ORC5: variants seen among roughly 807,000 people sequenced by gnomAD.
ORC5 encodes the protein protein phosphatase 1, regulatory subunit 117.
Under a neutral mutation model 58.8 loss-of-function variants are expected in ORC5, and 39 were observed. The observed-to-expected ratio is 0.66, with a 90% CI of 0.51 to 0.87. The LOEUF (loss-of-function observed/expected upper bound fraction) is 0.87. ORC5 is among the 40% of genes least tolerant of loss of function. ORC5 has a pLI of 0.00. For missense variants in ORC5, 493 were observed against 506.3 expected, an observed-to-expected ratio of 0.97 and a Z score of 0.25; for synonymous variants, 218 against 177.6, an observed-to-expected ratio of 1.23 and a Z score of -1.81.
intron 2 of ORC5, 29 bp from the exon 3 acceptor site, chr7:104,200,987 TAAA>T (rs764003212): frequency 1.9e-6 from 3 of 1,571,050 alleles, no homozygotes; most frequent in South Asian, 1.1e-5. Context: ...ACACTGTAAG[TAAA>T]GAAGAAAACA....
rs1380509786 is a variant in ORC5, at chr7:104,159,453, T to C, written c.1149+1619A>G. 2.7e-5 allele frequency among the ~76,000 whole-genome samples: 4 copies of C among 148,756 alleles called. No homozygotes were observed. In the East Asian group the frequency reaches 7.9e-4, roughly 29 times the overall value. ...GTAACTAACCTGCACATTGTGCACA[T>C]GTACCCTAAAACTTAAAGTATAATA... On this transcript the variant is annotated intron_variant, in intron 12 of 13. Coordinates refer to ENST00000297431, the MANE Select transcript of ORC5 (RefSeq NM_002553.4).
At chr7:104,190,960 T>C (rs969734310) in intron 5 of ORC5, among the ~76,000 whole-genome samples, 4 of 151,764 alleles carry the variant, frequency 2.6e-5, no homozygotes, top group Non-Finnish European at 2.9e-5. Context: ...ATCTGAAAAT[T>C]TATAAACAGA....
intron 13 of ORC5, among the ~76,000 whole-genome samples, chr7:104,127,836 A>G (rs895192339): frequency 6.6e-6 from 1 of 152,226 alleles, no homozygotes; most frequent in Non-Finnish European, 1.5e-5. Flanking sequence ...TTATGAAAAC[A>G]CATTTAAAAA....
At chr7:104,141,131 G>A (rs1193037520) in intron 12 of ORC5, among the ~76,000 whole-genome samples, 1 of 152,052 alleles carries the variant, frequency 6.6e-6, no homozygotes, top group Non-Finnish European at 1.5e-5. Context: ...ATTATACTCC[G>A]GCCTGAAAAG....
rs1297765638 is a variant in ORC5, at chr7:104,183,944, T to G, written c.823A>C (p.Ser275Arg). The G allele has an allele frequency of 6.3e-7, 1 of 1,599,126 alleles. No individual in the cohort carries two copies. The highest frequency in any genetic ancestry group is 8.6e-7 in the Non-Finnish European group (1 of 1,169,048). Residue 275 changes from serine to arginine, a missense_variant and splice_region_variant, in exon 8 of 14, where the codon AGT (serine) becomes CGT (arginine). Transcript: ENST00000297431. Reference protein sequence around the residue: ...MQTVYLREISSSQWEKLQKDD... With the variant: ...MQTVYLREISRSQWEKLQKDD... The stretch of plus-strand genomic sequence containing the variant: ...TATGCATACTAAATAGAAAATTACC[T>G]TGATATTTCCCTGAGATAAACAGTC...
intron 1 of ORC5, among the ~76,000 whole-genome samples, chr7:104,206,554 C>A (rs1800089378): frequency 6.6e-6 from 1 of 152,118 alleles, no homozygotes; most frequent in East Asian, 1.9e-4. Context: ...TAATTGAAAG[C>A]AGTATAAATA....
Position 104,200,921 on chromosome 7 carries a change from G to C in ORC5, c.203C>G (p.Thr68Arg), listed in dbSNP as rs535712112. ...AATTTGTTCCAAAAGCAGCCTCAAT[G>C]TAAAGCATTCAACACAATTCACAAA... is the stretch of plus-strand genomic sequence containing the variant. Reference protein sequence around the residue: ...HVFVNCVECFTLRLLLEQILN... With the variant: ...HVFVNCVECFRLRLLLEQILN... Residue 68 changes from threonine (T) to arginine (R), a missense_variant, in exon 3 of 14, where the codon ACA becomes AGA. Thr to Arg is a moderately conservative substitution (Grantham distance 71). Coordinates refer to ENST00000297431, the MANE Select transcript of ORC5 (RefSeq NM_002553.4). The C allele has an allele frequency of 6.2e-7, 1 of 1,613,592 alleles. No individual in the cohort carries two copies. Among genetic ancestry groups the C allele is most frequent in the African/African-American group, 1.3e-5 (1 of 75,026 alleles).
At chr7:104,173,834 TA>T (rs1471171417) in intron 8 of ORC5, among the ~76,000 whole-genome samples, 12 of 141,110 alleles carry the variant, frequency 8.5e-5, no homozygotes, top group Non-Finnish European at 1.4e-4. Flanking sequence ...TACCTGGGTT[TA>T]AAATTTTTTC....
At chr7:104,153,447 T>C (rs992519682) in intron 12 of ORC5, among the ~76,000 whole-genome samples, 20 of 152,188 alleles carry the variant, frequency 1.3e-4, no homozygotes, top group African/African-American at 4.6e-4. Flanking sequence ...AGGCATTAAG[T>C]AAGGCTCCTT....
chr7:104,180,030 A>T (rs1799402631), intron 8 of ORC5, among the ~76,000 whole-genome samples: 1 of 152,166 alleles, frequency 6.6e-6, no homozygotes, highest in Non-Finnish European at 1.5e-5. Flanking sequence ...GATTCTGTAC[A>T]CTTGGCTTTT....
intron 13 of ORC5, among the ~76,000 whole-genome samples, chr7:104,130,646 T>C (rs1798499056): frequency 6.6e-6 from 1 of 152,200 alleles, no homozygotes; most frequent in Non-Finnish European, 1.5e-5. Context: ...TCACTATATA[T>C]TTCTCTTTCT....
At chr7:104,172,365 C>T (rs1439469207) in intron 8 of ORC5, among the ~76,000 whole-genome samples, 1 of 152,120 alleles carries the variant, frequency 6.6e-6, no homozygotes, top group African/African-American at 2.4e-5. Context: ...TCTAAAAACT[C>T]TCATTAAATG....
chr7:104,207,640 T>A (rs1800123913), intron 1 of ORC5, among the ~76,000 whole-genome samples, 193 bp downstream of exon 1: 1 of 152,218 alleles, frequency 6.6e-6, no homozygotes, highest in African/African-American at 2.4e-5. Flanking sequence ...CCGGTCGCTC[T>A]CAGACTGTCT....
At chr7:104,147,333 A>G (rs1584484521) in intron 12 of ORC5, among the ~76,000 whole-genome samples, 2 of 152,338 alleles carry the variant, frequency 1.3e-5, no homozygotes, top group South Asian at 4.1e-4. Flanking sequence ...AAGGAAGATT[A>G]TAGCAAAAGT....
At chr7:104,205,886 G>C (rs906696774) in intron 1 of ORC5, among the ~76,000 whole-genome samples, 29 of 152,194 alleles carry the variant, frequency 1.9e-4, no homozygotes, top group African/African-American at 7.0e-4. Flanking sequence ...GCAAACACCT[G>C]TGGTCCCAGC....
At position 104,136,160 on chromosome 7, in the gene ORC5, A is replaced by C. The variant is rs1183627346; in HGVS notation, c.1262+621T>G. ...CATTCATTTTGCACGACAGCCCCTG[A>C]AACACTTAAGACAGTTCACATGTCC... On this transcript the variant is annotated intron_variant, in intron 13 of 13. Coordinates refer to ENST00000297431, the MANE Select transcript of ORC5 (RefSeq NM_002553.4). The surrounding 1 kb of genome is among the most constrained non-coding windows in gnomAD (Gnocchi z 4.2). 6.6e-6 allele frequency among the ~76,000 whole-genome samples: 1 copy of C among 152,158 alleles called. No individual in the cohort carries two copies. The highest frequency in any genetic ancestry group is 1.5e-5 in the Non-Finnish European group (1 of 68,020).
chr7:104,175,677 C>T (rs1044701053), intron 8 of ORC5, among the ~76,000 whole-genome samples: 1 of 152,158 alleles, frequency 6.6e-6, no homozygotes, highest in Non-Finnish European at 1.5e-5. Flanking sequence ...AATAATATAA[C>T]ATTTCTCTGT....
chr7:104,159,031 C>T (rs908752092), intron 12 of ORC5, among the ~76,000 whole-genome samples: 3 of 146,892 alleles, frequency 2.0e-5, no homozygotes, highest in Middle Eastern at 3.4e-3. Context: ...TGCACAAGTA[C>T]GTTTATTACG....
At chr7:104,169,493 GA>G (rs139492316) in intron 8 of ORC5, among the ~76,000 whole-genome samples, 4,317 of 151,346 alleles carry the variant, frequency 0.029, 186 homozygotes, top group African/African-American at 0.1. Context: ...GCATGACTTC[GA>G]AAAAATGAAT....
Sources: allele counts gnomAD v4.1 joint callset (sites outside exome capture counted in the v4.1 genomes callset), GRCh38; gene constraint gnomAD v4.1.1; non-coding constraint Gnocchi (gnomAD v3.1); transcripts MANE v1.5; gene names NCBI Gene and HGNC (gene_info 2026-07-23, HGNC 2026-07-21).